Variants in PXDNL observed in about 807,000 individuals in gnomAD.
PXDNL encodes probable oxidoreductase PXDNL.
In PXDNL, 145 loss-of-function variants were observed where a neutral mutation model predicts 150.8. That is an observed-to-expected ratio of 0.96 (90% CI 0.84 to 1.10). PXDNL has a LOEUF of 1.10. PXDNL is among the 50% of genes least tolerant of loss of function. The pLI is 0.00. For synonymous variants in PXDNL, 757 were observed against 725.7 expected, an observed-to-expected ratio of 1.04 and a Z score of -0.69; for missense variants, 2,087 against 1,873.9, an observed-to-expected ratio of 1.11 and a Z score of -2.10.
At chr8:51,578,017 G>GA (rs1813119811) in intron 3 of PXDNL, among the ~76,000 whole-genome samples, 4 of 103,828 alleles carry the variant, frequency 3.9e-5, no homozygotes, top group African/African-American at 1.5e-4. Context: ...AAGGAAGGAA[G>GA]GAAGGAAGGA....
chr8:51,328,093 G>A (rs1241997267), intron 21 of PXDNL, among the ~76,000 whole-genome samples: 2 of 152,202 alleles, frequency 1.3e-5, no homozygotes, highest in East Asian at 1.9e-4. Flanking sequence ...GTAAGGTGAA[G>A]GCCTGAATAG....
At chr8:51,412,829 A>G (rs183087259) in intron 15 of PXDNL, among the ~76,000 whole-genome samples, 5 of 152,316 alleles carry the variant, frequency 3.3e-5, no homozygotes, top group African/African-American at 1.2e-4. Context: ...ATCATTCTCA[A>G]TTCACACATT....
At chr8:51,797,723 T>C (rs113681404) in intron 1 of PXDNL, among the ~76,000 whole-genome samples, 108 of 103,888 alleles carry the variant, frequency 1.0e-3, no homozygotes, top group African/African-American at 2.6e-3. Context: ...TAGGAAGAAT[T>C]AATATCATGA....
At chr8:51,685,791 A>G (rs1815860844) in intron 1 of PXDNL, among the ~76,000 whole-genome samples, 2 of 151,990 alleles carry the variant, frequency 1.3e-5, no homozygotes, top group Admixed American at 6.6e-5. Flanking sequence ...TCTTGAATCC[A>G]TTTTTTACTT....
intron 1 of PXDNL, among the ~76,000 whole-genome samples, chr8:51,720,803 C>T (rs1246267244): frequency 6.6e-6 from 1 of 152,224 alleles, no homozygotes; most frequent in African/African-American, 2.4e-5. Context: ...GGCGCTTTTC[C>T]CTCTTGCTGC....
At chr8:51,410,224 A>G (rs1361279047) in intron 16 of PXDNL, among the ~76,000 whole-genome samples, 5 of 152,216 alleles carry the variant, frequency 3.3e-5, no homozygotes, top group African/African-American at 1.2e-4. Flanking sequence ...GCAAAATAAT[A>G]AGGGACATGC....
At chr8:51,713,706 A>C (rs1816546735) in intron 1 of PXDNL, among the ~76,000 whole-genome samples, 1 of 152,264 alleles carries the variant, frequency 6.6e-6, no homozygotes, top group African/African-American at 2.4e-5. Flanking sequence ...TCAATGAAGA[A>C]ATAAACTGCT....
intron 2 of PXDNL, among the ~76,000 whole-genome samples, chr8:51,607,483 T>C (rs1383466278): frequency 6.6e-6 from 1 of 152,142 alleles, no homozygotes; most frequent in African/African-American, 2.4e-5. Flanking sequence ...GTGCTGGGGC[T>C]GCTAACTGCA....
chr8:51,463,688 T>C (rs2130039508), intron 8 of PXDNL, among the ~76,000 whole-genome samples: 1 of 152,288 alleles, frequency 6.6e-6, no homozygotes, highest in East Asian at 1.9e-4. Context: ...ACATGGAAGA[T>C]GACCATGTAC....
chr8:51,479,988 C>A (rs1422277118), intron 6 of PXDNL, among the ~76,000 whole-genome samples: 1 of 151,928 alleles, frequency 6.6e-6, no homozygotes, highest in Non-Finnish European at 1.5e-5. Context: ...ATGAGAATTA[C>A]CAAGAAAGAA....
At chr8:51,405,863 T>A (rs538627565) in intron 17 of PXDNL, among the ~76,000 whole-genome samples, 4 of 152,220 alleles carry the variant, frequency 2.6e-5, no homozygotes, top group Non-Finnish European at 4.4e-5. Context: ...CCAGGCTGCA[T>A]AGAGTTCCAC....
chr8:51,716,111 T>C (rs1816611444), intron 1 of PXDNL, among the ~76,000 whole-genome samples: 1 of 152,158 alleles, frequency 6.6e-6, no homozygotes, highest in Non-Finnish European at 1.5e-5. Flanking sequence ...TGACACCCCA[T>C]AACAAAACTC....
At position 51,605,171 on chromosome 8, in the gene PXDNL, T is replaced by C. The variant is rs1813814734; in HGVS notation, c.237-12473A>G. Among the ~76,000 whole-genome samples the C allele has an allele frequency of 2.0e-5, 3 of 152,138 alleles. No individual in the cohort carries two copies. In the South Asian group the frequency reaches 6.2e-4, roughly 31 times the overall value. On this transcript the variant is annotated intron_variant, in intron 2 of 22. Transcript: ENST00000356297. ...TATTCTAGGACATATTTATGATAGA[T>C]ATAATGACATATACTAAGTGAAAAG...
At chr8:51,416,311 C>T (rs1440779983) in intron 14 of PXDNL, among the ~76,000 whole-genome samples, 1 of 152,166 alleles carries the variant, frequency 6.6e-6, no homozygotes, top group Non-Finnish European at 1.5e-5. Flanking sequence ...CAATGGTGGA[C>T]AGAAGTTGAT....
At chr8:51,572,544 G>C (rs1490165135) in intron 3 of PXDNL, among the ~76,000 whole-genome samples, 1 of 151,834 alleles carries the variant, frequency 6.6e-6, no homozygotes, top group Admixed American at 6.6e-5. Context: ...TGCTATAAGG[G>C]GCTGAGAGTG....
intron 20 of PXDNL, 54 bp downstream of exon 20, chr8:51,345,779 T>C (rs1806132406): frequency 9.1e-7 from 1 of 1,102,726 alleles, no homozygotes; most frequent in Non-Finnish European, 1.4e-6. Flanking sequence ...AATTGTAGGT[T>C]TGAAGCAAAT....
At chr8:51,639,231 T>G (rs548432804) in intron 2 of PXDNL, among the ~76,000 whole-genome samples, 1 of 152,296 alleles carries the variant, frequency 6.6e-6, no homozygotes, top group African/African-American at 2.4e-5. Context: ...TAGCACTAAA[T>G]GCCCACAAGA....
intron 2 of PXDNL, among the ~76,000 whole-genome samples, chr8:51,601,628 T>C (rs1813723281): frequency 6.6e-6 from 1 of 152,074 alleles, no homozygotes; most frequent in Non-Finnish European, 1.5e-5. Context: ...GAGTTGAATC[T>C]CTTGAAGACA....
intron 2 of PXDNL, among the ~76,000 whole-genome samples, chr8:51,637,642 G>T (rs1160692500): frequency 6.6e-6 from 1 of 152,116 alleles, no homozygotes; most frequent in Non-Finnish European, 1.5e-5. Context: ...GAAAAGAGAA[G>T]TTTAGAGAAA....
Sources: gnomAD v4.1 joint callset for allele counts (sites outside exome capture counted in the v4.1 genomes callset) on GRCh38, gnomAD v4.1.1 for gene constraint, MANE v1.5 for transcripts, NCBI Gene and HGNC (gene_info 2026-07-23, HGNC 2026-07-21) for gene names.